Variants in EP400 observed in about 807,000 individuals in gnomAD.
EP400 encodes the protein E1A binding protein p400.
In EP400, 105 loss-of-function variants were observed where a neutral mutation model predicts 354.1. That is an observed-to-expected ratio of 0.30 (90% CI 0.25 to 0.35). The LOEUF is 0.35. Among genes scored for constraint, EP400 ranks in the 10% least tolerant of loss-of-function variants. The pLI is 1.00. For synonymous variants in EP400, 1,646 were observed against 1,716.9 expected (o/e 0.96, Z 1.02); for missense variants, 3,280 against 4,121.0 (o/e 0.80, Z 5.59).
At position 131,987,789 on chromosome 12, in the gene EP400, C is replaced by T. The variant is rs1322370336; in HGVS notation, c.2308C>T (p.Pro770Ser). ...QRRLPKLQEA[P>S]RPKSHWDYLL... Reference sequence around the variant, plus strand: ...GCGTCTGCCAAAGCTGCAGGAGGCCCCACGCCCCAAGTCCCACTGGGACTA... The same window carrying T: ...GCGTCTGCCAAAGCTGCAGGAGGCCTCACGCCCCAAGTCCCACTGGGACTA... The change falls in exon 7 of 53, where the codon CCA (proline) becomes TCA (serine). Residue 770 changes from proline (P) to serine (S), a missense_variant. Pro to Ser is a moderately conservative substitution (Grantham distance 74). Coordinates refer to ENST00000389561, the MANE Select transcript of EP400 (RefSeq NM_015409.5). The T allele has an allele frequency of 6.2e-7, 1 of 1,613,060 alleles. No individual in the cohort carries two copies. Among genetic ancestry groups the T allele is most frequent in the Admixed American group, 1.7e-5 (1 of 59,978 alleles).
At chr12:132,024,760 C>T (rs1254283756) in intron 24 of EP400, among the ~76,000 whole-genome samples, 1 of 150,714 alleles carries the variant, frequency 6.6e-6, no homozygotes, top group Non-Finnish European at 1.5e-5. Context: ...CAGCGGCTAC[C>T]TTCCCTCACC....
At chr12:132,041,517 C>T (rs891083447) in intron 32 of EP400, among the ~76,000 whole-genome samples, 2 of 152,154 alleles carry the variant, frequency 1.3e-5, no homozygotes, top group Admixed American at 6.5e-5. Flanking sequence ...GTCTGTAACT[C>T]GTTCTCATTG....
rs1892989014 is a variant in EP400 at position 131,990,265 on chromosome 12, T to A, written c.2550+161T>A. On this transcript the variant is annotated intron_variant, in intron 8 of 52. Coordinates refer to ENST00000389561, the MANE Select transcript of EP400 (RefSeq NM_015409.5). The surrounding 1 kb of genome is among the most constrained non-coding windows in gnomAD (Gnocchi z 4.2). ...GGGCTGTTGCTTGTTGGCCTTTGAA[T>A]GAGCTGCTCGTGCCTCCGTCTGTCT... 6.6e-6 allele frequency among the ~76,000 whole-genome samples: 1 copy of A among 152,144 alleles called. No individual in the cohort carries two copies. The highest frequency in any genetic ancestry group is 1.5e-5 in the Non-Finnish European group (1 of 68,032).
chr12:132,031,262 A>T, intron 29 of EP400: 2 of 519,116 alleles, frequency 3.9e-6, no homozygotes, highest in Non-Finnish European at 7.7e-6. Context: ...TGTTGCCTGT[A>T]AAGTGCTCTG....
rs1402673225 is a variant in EP400 at position 132,050,370 on chromosome 12, T to C, written c.7248T>C (p.Asp2416=). ...GTACGAGCCAGATCTATGCCCAGGA[T>C]GAGAATGCCACACACACCCAGCTGT... is the stretch of plus-strand genomic sequence containing the variant. ...PLRTSQIYAQ[D]ENATHTQLYT... The change falls in exon 40 of 53, where the codon GAT becomes GAC. Residue 2416 remains aspartate, a synonymous_variant. Coordinates refer to ENST00000389561, the MANE Select transcript of EP400 (RefSeq NM_015409.5). This position sits in a 1 kb window ranked among gnomAD's most constrained non-coding sequence, Gnocchi z 4.8. The C allele has an allele frequency of 3.1e-6, 5 of 1,613,882 alleles. No homozygotes were observed. The Admixed American group carries it at 5.0e-5, about 16-fold the overall frequency.
At position 132,075,545 on chromosome 12, in the gene EP400, T is replaced by C. The variant is rs1896208605; in HGVS notation, c.9022-971T>C. Among the ~76,000 whole-genome samples the C allele has an allele frequency of 6.6e-6, 1 of 152,188 alleles. No homozygotes were observed. The highest frequency in any genetic ancestry group is 2.4e-5 in the African/African-American group (1 of 41,444). Reference sequence around the variant, plus strand: ...CCCTGGAGCACCGGCTGCATCTTTGTTTCCCAGCAGTTCCACAGGGGGCGC... The same window carrying C: ...CCCTGGAGCACCGGCTGCATCTTTGCTTCCCAGCAGTTCCACAGGGGGCGC... On this transcript the variant is annotated intron_variant, in intron 51 of 52. Transcript: ENST00000389561. The surrounding 1 kb of genome is among the most constrained non-coding windows in gnomAD (Gnocchi z 4.5).
chr12:132,066,753 C>T (rs1212925336), intron 48 of EP400, 21 bp from the exon 49 acceptor site: 6 of 1,607,468 alleles, frequency 3.7e-6, no homozygotes, highest in Non-Finnish European at 5.1e-6. Flanking sequence ...TCTGGACTCT[C>T]CCATTATTTC....
intron 51 of EP400, among the ~76,000 whole-genome samples, chr12:132,074,020 A>G (rs1366083364): frequency 1.5e-5 from 2 of 130,380 alleles, no homozygotes; most frequent in Non-Finnish European, 3.1e-5. Context: ...TGTCTCCCAC[A>G]TTCAAGAGAT....
intron 5 of EP400, among the ~76,000 whole-genome samples, chr12:131,984,628 G>A (rs922126111): frequency 6.6e-6 from 1 of 151,994 alleles, no homozygotes; most frequent in African/African-American, 2.4e-5. Flanking sequence ...CAGCTCCGTG[G>A]TTTTTCTTAG....
In EP400 at chr12:132,055,112, A is replaced by T. The variant is rs1429483849; in HGVS notation, c.7788A>T (p.Gly2596=). The part of the protein sequence containing the change: ...GTSMPTGAVS[G]NVIVNTIAGV... ...CTGTCTCCGCAGGTGCCGTGAGTGGAAATGTGATCGTGAACACCATCGCAG... is the reference window on the plus strand; with the variant it reads ...CTGTCTCCGCAGGTGCCGTGAGTGGTAATGTGATCGTGAACACCATCGCAG... Residue 2596 remains glycine (G), a synonymous_variant, in exon 45 of 53, where the codon GGA becomes GGT. Transcript: ENST00000389561. 1 of 1,613,708 alleles carries T rather than the reference A, an allele frequency of 6.2e-7. No homozygotes were observed. The highest frequency in any genetic ancestry group is 8.5e-7 in the Non-Finnish European group (1 of 1,179,784).
intron 5 of EP400, 34 bp downstream of exon 5, chr12:131,982,512 G>T: frequency 6.4e-7 from 1 of 1,558,148 alleles, no homozygotes; most frequent in Non-Finnish European, 8.7e-7. Context: ...AAAGAAAATG[G>T]TTTGCAGGAT....
chr12:131,976,960 T>C (rs1410934264), intron 2 of EP400, among the ~76,000 whole-genome samples: 1 of 152,182 alleles, frequency 6.6e-6, no homozygotes, highest in African/African-American at 2.4e-5. Flanking sequence ...AGCCGTTCCA[T>C]AGAGCACAGA....
chr12:131,973,061 C>T (rs560832125), intron 2 of EP400, among the ~76,000 whole-genome samples: 2 of 152,238 alleles, frequency 1.3e-5, no homozygotes, highest in South Asian at 2.1e-4. Context: ...TGCATATATA[C>T]CAGTTGAAAC....
chr12:132,021,479 A>G (rs1485343809), intron 23 of EP400, among the ~76,000 whole-genome samples, 158 bp downstream of exon 23: 3 of 152,240 alleles, frequency 2.0e-5, no homozygotes, highest in Non-Finnish European at 4.4e-5. Context: ...TGCCTCCGGC[A>G]TGAGTCTAGC....
At chr12:131,951,091 G>GTTTTTTTTTTT (rs1891468539) in intron 1 of EP400, among the ~76,000 whole-genome samples, 4 of 134,736 alleles carry the variant, frequency 3.0e-5, no homozygotes, top group Non-Finnish European at 6.2e-5. Flanking sequence ...TTTTTTTTTG[G>GTTTTTTTTTTT]ATTTTTAGTA....
chr12:132,064,391 A>G (rs1489105401), intron 47 of EP400, among the ~76,000 whole-genome samples: 3 of 152,244 alleles, frequency 2.0e-5, no homozygotes, highest in African/African-American at 7.2e-5. Flanking sequence ...CTACAGATTT[A>G]AATCGACTTG....
intron 11 of EP400, among the ~76,000 whole-genome samples, chr12:131,993,852 C>T (rs543338735): frequency 5.5e-4 from 84 of 152,218 alleles, no homozygotes; most frequent in Non-Finnish European, 7.6e-4. Flanking sequence ...CCATTGTTGG[C>T]AGAAACGGCA....
rs1486846188 is a variant in EP400, at chr12:131,994,810, G to A, written c.2738-57G>A. On this transcript the variant is annotated intron_variant, in intron 11 of 52. Transcript: ENST00000389561. This position sits in a 1 kb window ranked among gnomAD's most constrained non-coding sequence, Gnocchi z 4.6. ...TTCGAAGCCTTATAGTGTGTAATGA[G>A]TAACAGACACTCAAGTGGTGTTGCC... The A allele has an allele frequency of 2.6e-5, 39 of 1,479,204 alleles. No homozygotes were observed. The highest frequency in any genetic ancestry group is 3.4e-5 in the Non-Finnish European group (36 of 1,060,542). The allele number at this position is 1,479,204 out of a possible 1,614,324, so 91.6% of individuals were successfully genotyped here.
At chr12:132,057,354 T>C (rs1895547778) in intron 45 of EP400, among the ~76,000 whole-genome samples, 1 of 152,218 alleles carries the variant, frequency 6.6e-6, no homozygotes, top group African/African-American at 2.4e-5. Context: ...GCCCGAGACA[T>C]ACATCTCCAT....
Sources: allele counts gnomAD v4.1 joint callset (sites outside exome capture counted in the v4.1 genomes callset), GRCh38; gene constraint gnomAD v4.1.1; non-coding constraint Gnocchi (gnomAD v3.1); transcripts MANE v1.5; gene names NCBI Gene and HGNC (gene_info 2026-07-23, HGNC 2026-07-21).